The following EPHB2 variants were observed in gnomAD, a reference collection of about 807,000 sequenced individuals.
EPHB2 encodes EPH receptor B2.
A neutral mutation model predicts 96.4 loss-of-function variants in EPHB2; 18 were observed. The observed-to-expected ratio is 0.19, with a 90% CI of 0.13 to 0.28. EPHB2 has a LOEUF of 0.28. Ranked by LOEUF, EPHB2 falls within the 10% of genes least tolerant of loss-of-function variation. The pLI, the probability that EPHB2 is intolerant of heterozygous loss-of-function variation, is 1.00. For synonymous variants in EPHB2, 506 were observed against 534.1 expected (o/e 0.95, Z 0.72); for missense variants, 989 against 1,355.4 (o/e 0.73, Z 4.25).
At position 22,876,123 on chromosome 1, in the gene EPHB2, A is replaced by G. The variant is rs576497115; in HGVS notation, c.1304-6236A>G. Among the ~76,000 whole-genome samples, 3 of 152,312 alleles carry G rather than the reference A, an allele frequency of 2.0e-5. No individual in the cohort carries two copies. In the East Asian group the frequency reaches 5.8e-4, roughly 29 times the overall value. On this transcript the variant is annotated intron_variant, in intron 5 of 15. Coordinates refer to ENST00000374630, the MANE Select transcript of EPHB2 (RefSeq NM_017449.5). The stretch of plus-strand genomic sequence containing the variant: ...AGGGTCATCAACAGGGAGTGAAGAC[A>G]TCAGGGAGACATTGGGATCTGCAAG...
chr1:22,813,340 A>T (rs1489109206), intron 3 of EPHB2, among the ~76,000 whole-genome samples: 2 of 152,172 alleles, frequency 1.3e-5, no homozygotes, highest in Non-Finnish European at 2.9e-5. Flanking sequence ...CTGGAGCCTG[A>T]CTTGAAGGTG....
In EPHB2 at chr1:22,863,875, A is replaced by G. The variant is rs556532355; in HGVS notation, c.967+683A>G. 6.4e-3 allele frequency among the ~76,000 whole-genome samples: 975 copies of G among 152,114 alleles called. 8 individuals carry two copies. Among genetic ancestry groups the G allele is most frequent in the African/African-American group, 0.021 (890 of 41,476 alleles). On this transcript the variant is annotated intron_variant, in intron 4 of 15. Transcript: ENST00000374630. ...TGAATACCTGGGATTACAGGCGTGC[A>G]CCACCACACCCAGCTAATTTTTCTA... is the stretch of plus-strand genomic sequence containing the variant.
chr1:22,858,293 C>T lies in EPHB2; in HGVS notation c.812-4744C>T, dbSNP rs1237725615. Among the ~76,000 whole-genome samples the T allele has an allele frequency of 6.6e-6, 1 of 152,106 alleles. No individual in the cohort carries two copies. The highest frequency in any genetic ancestry group is 1.9e-4 in the East Asian group (1 of 5,188). On this transcript the variant is annotated intron_variant, in intron 3 of 15. Transcript: ENST00000374630. The surrounding 1 kb of genome is among the most constrained non-coding windows in gnomAD (Gnocchi z 7.7). Reference sequence around the variant, plus strand: ...TCACAGGCCTTGTAGCCAGGCTAGGCATGTGGGTCTATTCTAAGTGCAGTG... The same window carrying T: ...TCACAGGCCTTGTAGCCAGGCTAGGTATGTGGGTCTATTCTAAGTGCAGTG...
Position 22,710,976 on chromosome 1 carries a change from C to A in EPHB2, c.-7C>A. 6.3e-6 allele frequency: 1 copy of A among 158,170 alleles called. No homozygotes were observed. Among genetic ancestry groups the A allele is most frequent in the South Asian group, 1.3e-4 (1 of 7,820 alleles). The allele number at this position is 158,170 out of a possible 1,614,324, so 9.8% of individuals were successfully genotyped here. ...CGCCGCGGCCCGAGGCCCCGGGAAGCGCAGCCATGGCTCTGCGGAGGCTGG... is the reference window on the plus strand; with the variant it reads ...CGCCGCGGCCCGAGGCCCCGGGAAGAGCAGCCATGGCTCTGCGGAGGCTGG... On this transcript the variant is annotated 5_prime_UTR_variant, in exon 1 of 16. Transcript: ENST00000374630.
At chr1:22,864,102 G>A (rs948871737) in intron 4 of EPHB2, among the ~76,000 whole-genome samples, 2 of 148,460 alleles carry the variant, frequency 1.3e-5, no homozygotes, top group African/African-American at 2.5e-5. Flanking sequence ...GAATGCAATG[G>A]CATCATGATC....
At chr1:22,829,865 C>T (rs1026797775) in intron 3 of EPHB2, among the ~76,000 whole-genome samples, 1 of 152,088 alleles carries the variant, frequency 6.6e-6, no homozygotes. Context: ...AGGAGACAGC[C>T]GCATGTGATG....
chr1:22,854,403 T>G (rs1645669852), intron 3 of EPHB2, among the ~76,000 whole-genome samples: 1 of 152,080 alleles, frequency 6.6e-6, no homozygotes, highest in Admixed American at 6.6e-5. Flanking sequence ...CCCCAGCTAC[T>G]TGGAAGGCTG....
chr1:22,891,336 G>T, intron 6 of EPHB2: 1 of 363,656 alleles, frequency 2.7e-6, no homozygotes, highest in South Asian at 2.1e-5. Flanking sequence ...GTGTGTGACT[G>T]GCATGTACAA....
At chr1:22,877,736 GC>G (rs1638892130) in intron 5 of EPHB2, among the ~76,000 whole-genome samples, 1 of 152,142 alleles carries the variant, frequency 6.6e-6, no homozygotes, top group African/African-American at 2.4e-5. Flanking sequence ...CTCTAGTCCA[GC>G]TTTACCACTA....
At chr1:22,849,474 G>A (rs1275111307) in intron 3 of EPHB2, among the ~76,000 whole-genome samples, 4 of 152,134 alleles carry the variant, frequency 2.6e-5, no homozygotes, top group Admixed American at 1.3e-4. Flanking sequence ...CACATAACCA[G>A]AACCGAGCAG....
intron 1 of EPHB2, among the ~76,000 whole-genome samples, chr1:22,730,440 G>C (rs575910507): frequency 1.3e-5 from 2 of 152,204 alleles, no homozygotes; most frequent in African/African-American, 4.8e-5. Flanking sequence ...AGCATGGATT[G>C]TCCTGCCCTA....
intron 3 of EPHB2, among the ~76,000 whole-genome samples, chr1:22,786,977 A>C (rs1644620793): frequency 6.6e-6 from 1 of 152,196 alleles, no homozygotes; most frequent in Non-Finnish European, 1.5e-5. Flanking sequence ...GGGTGGCAGA[A>C]CAAGTGAATG....
In EPHB2 at chr1:22,920,280, C is replaced by T. The variant is rs975197762; in HGVS notation, c.*6710C>T. The stretch of plus-strand genomic sequence containing the variant: ...GGAACCAAGCAGGGCCCCACTGGCT[C>T]AGTCTGGGGAGGGACTCATCTGGGG... On this transcript the variant is annotated 3_prime_UTR_variant, in exon 16 of 16. Coordinates refer to ENST00000374630, the MANE Select transcript of EPHB2 (RefSeq NM_017449.5). 7 of 152,258 alleles carry T rather than the reference C, an allele frequency of 4.6e-5. No homozygotes were observed. The highest frequency in any genetic ancestry group is 1.7e-4 in the African/African-American group (7 of 41,442). The allele number at this position is 152,258 out of a possible 1,614,324, so 9.4% of individuals were successfully genotyped here.
At chr1:22,732,888 A>G (rs1643748712) in intron 1 of EPHB2, among the ~76,000 whole-genome samples, 1 of 152,226 alleles carries the variant, frequency 6.6e-6, no homozygotes, top group Admixed American at 6.5e-5. Flanking sequence ...AAAATCAGCT[A>G]GTGTCTGTTG....
intron 1 of EPHB2, among the ~76,000 whole-genome samples, chr1:22,717,591 C>T (rs72879160): frequency 0.04 from 6,159 of 152,256 alleles, 422 homozygotes; most frequent in African/African-American, 0.14. Flanking sequence ...TGGAGAATAC[C>T]GCGCATGTGT....
chr1:22,792,872 G>A (rs1644714495), intron 3 of EPHB2, among the ~76,000 whole-genome samples: 1 of 152,206 alleles, frequency 6.6e-6, no homozygotes, highest in South Asian at 2.1e-4. Flanking sequence ...GAGCAGGCAG[G>A]GAGGGTCTGT....
intron 1 of EPHB2, among the ~76,000 whole-genome samples, chr1:22,751,474 T>C (rs989970615): frequency 6.6e-5 from 10 of 152,232 alleles, no homozygotes; most frequent in African/African-American, 2.4e-4. Flanking sequence ...AGCTGACATC[T>C]GTTGTATGTC....
At chr1:22,782,816 C>T (rs920772400) in intron 2 of EPHB2, among the ~76,000 whole-genome samples, 12 of 152,178 alleles carry the variant, frequency 7.9e-5, no homozygotes, top group Non-Finnish European at 1.8e-4. Context: ...GCTTCAGAGT[C>T]GCCATTGAAG....
At chr1:22,770,657 T>C (rs1644368646) in intron 1 of EPHB2, among the ~76,000 whole-genome samples, 1 of 152,188 alleles carries the variant, frequency 6.6e-6, no homozygotes, top group Non-Finnish European at 1.5e-5. Context: ...ATTAAAAGAG[T>C]ACCTGGTTCA....
Sources: gnomAD v4.1 joint callset for allele counts (sites outside exome capture counted in the v4.1 genomes callset) on GRCh38, gnomAD v4.1.1 for gene constraint, Gnocchi (gnomAD v3.1) non-coding constraint, MANE v1.5 for transcripts, NCBI Gene and HGNC (gene_info 2026-07-23, HGNC 2026-07-21) for gene names.